Variants in KIAA0319 observed in about 807,000 individuals in gnomAD.
KIAA0319 encodes dyslexia-associated protein KIAA0319.
KIAA0319 carries 83 observed loss-of-function variants against 108.4 expected under a neutral mutation model. The observed-to-expected ratio is 0.77, with a 90% CI of 0.64 to 0.92. KIAA0319 has a LOEUF of 0.92. KIAA0319 is among the 40% of genes least tolerant of loss of function. KIAA0319 has a pLI of 0.00. For synonymous variants in KIAA0319, 484 were observed against 510.4 expected (o/e 0.95, Z 0.70); for missense variants, 1,195 against 1,322.4 (o/e 0.90, Z 1.49).
At chr6:24,565,026 T>C (rs564607602) in intron 14 of KIAA0319, among the ~76,000 whole-genome samples, 1 of 152,078 alleles carries the variant, frequency 6.6e-6, no homozygotes, top group African/African-American at 2.4e-5. Flanking sequence ...GGCAGGCGGA[T>C]CACGAGGTCA....
downstream of KIAA0319, among the ~76,000 whole-genome samples, chr6:24,543,607 G>C (rs1760291154): frequency 6.6e-6 from 1 of 152,072 alleles, no homozygotes; most frequent in South Asian, 2.1e-4. Context: ...TTTTGTGTGT[G>C]TGTTTTTTGA....
intron 15 of KIAA0319, 42 bp from the exon 16 acceptor site, chr6:24,563,560 C>T: frequency 6.4e-7 from 1 of 1,568,086 alleles, no homozygotes; most frequent in Non-Finnish European, 8.6e-7. Flanking sequence ...TGGACATTTG[C>T]ACAGGCTTTA....
chr6:24,595,728 C>A lies in KIAA0319; in HGVS notation c.801+145G>T, dbSNP rs1207801697. The stretch of plus-strand genomic sequence containing the variant: ...CTCTGAGAGACAGTCATCTTTCTTG[C>A]CACCACCTGAGACAGGTGCCCTTAG... On this transcript the variant is annotated intron_variant, in intron 3 of 20. Transcript: ENST00000378214. 5.0e-6 allele frequency: 4 copies of A among 796,964 alleles called. No homozygotes were observed. In the East Asian group the frequency reaches 1.0e-4, roughly 20 times the overall value. 49.4% of individuals were successfully genotyped at this position (796,964 alleles called of 1,614,324 possible). A position where few individuals can be genotyped will look rare whatever the true frequency, so the allele number is the denominator to read the frequency against.
At chr6:24,555,945 C>A (rs1762225978) in intron 18 of KIAA0319, among the ~76,000 whole-genome samples, 1 of 152,104 alleles carries the variant, frequency 6.6e-6, no homozygotes, top group Admixed American at 6.5e-5. Flanking sequence ...CAATAGTGAG[C>A]CAATTCTGCT....
At chr6:24,644,389 G>T (rs1364121163) in intron 1 of KIAA0319, among the ~76,000 whole-genome samples, 2 of 152,212 alleles carry the variant, frequency 1.3e-5, no homozygotes, top group South Asian at 2.1e-4. Context: ...TTTAATATTA[G>T]AAGTGTTGTG....
chr6:24,596,397 T>C lies in KIAA0319; in HGVS notation c.277A>G (p.Met93Val). 1 of 1,614,184 alleles carries C rather than the reference T, an allele frequency of 6.2e-7. No homozygotes were observed. The highest frequency in any genetic ancestry group is 8.5e-7 in the Non-Finnish European group (1 of 1,180,016). ...GTGAGATAAGACCTGATGGGGCCCA[T>C]CTTCTTGGGCTCACAGTTCTCTTTG... ...PHKENCEPKK[M>V]GPIRSYLTFV... The change falls in exon 3 of 21, where the codon ATG becomes GTG. Residue 93 changes from methionine to valine, a missense_variant. Coordinates refer to ENST00000378214, the MANE Select transcript of KIAA0319 (RefSeq NM_014809.4).
At chr6:24,583,897 G>T (rs1699949750) in intron 4 of KIAA0319, among the ~76,000 whole-genome samples, 195 bp from the exon 5 acceptor site, 2 of 152,146 alleles carry the variant, frequency 1.3e-5, no homozygotes, top group Admixed American at 1.3e-4. Flanking sequence ...ATAGTACAGG[G>T]TTTTAAACCA....
chr6:24,547,344 C>CTA lies in KIAA0319; in HGVS notation c.3041-3_3041-2dup. The CTA allele has an allele frequency of 6.2e-7, 1 of 1,613,446 alleles. No individual in the cohort carries two copies. Among genetic ancestry groups the CTA allele is most frequent in the Non-Finnish European group, 8.5e-7 (1 of 1,179,522 alleles). On this transcript the variant is annotated splice_acceptor_variant, in intron 20 of 20. Transcript: ENST00000378214. LOFTEE classifies it high-confidence loss of function. ...TGCTCTGTGCTTCGGTGCTTGATAC[C>CTA]TAGAGAGAAGCACAGAAGCATCTGA... is the stretch of plus-strand genomic sequence containing the variant.
At chr6:24,554,863 C>T (rs746699059) in intron 18 of KIAA0319, among the ~76,000 whole-genome samples, 2 of 152,138 alleles carry the variant, frequency 1.3e-5, no homozygotes, top group Non-Finnish European at 2.9e-5. Flanking sequence ...TCACGGAGCA[C>T]ATATTTCATG....
chr6:24,624,449 T>C (rs545232928), intron 1 of KIAA0319, among the ~76,000 whole-genome samples: 8 of 152,262 alleles, frequency 5.3e-5, no homozygotes, highest in Admixed American at 4.6e-4. Context: ...ATAAAAATTT[T>C]TTTGGAGGAG....
chr6:24,623,273 T>A (rs1029328674), intron 1 of KIAA0319, among the ~76,000 whole-genome samples: 5 of 151,890 alleles, frequency 3.3e-5, no homozygotes, highest in Non-Finnish European at 7.4e-5. Flanking sequence ...AAAGAAAATA[T>A]GGGGCAATGT....
At chr6:24,612,582 C>T (rs59600830) in intron 1 of KIAA0319, among the ~76,000 whole-genome samples, 24,365 of 152,136 alleles carry the variant, frequency 0.16, 2,078 homozygotes, top group South Asian at 0.32. Context: ...AGTAAAGAAG[C>T]TCTTCATGTA....
At chr6:24,566,825 A>G (rs1357130286) in intron 13 of KIAA0319, 77 bp from the exon 14 acceptor site, 2 of 1,331,748 alleles carry the variant, frequency 1.5e-6, no homozygotes, top group Non-Finnish European at 2.1e-6. Flanking sequence ...GTCATAAAAC[A>G]TCCACAACTC....
At chr6:24,597,917 C>CAAAAAAATA (rs1769921835) in intron 2 of KIAA0319, 1 of 32,434 alleles carries the variant, frequency 3.1e-5, no homozygotes, top group Non-Finnish European at 6.4e-5. Context: ...GACCCTATCT[C>CAAAAAAATA]AAAAAAAAAA....
Position 24,581,011 on chromosome 6 carries a change from C to G in KIAA0319, c.1194G>C (p.Leu398Phe). ...GHKQTLNLSQ[L>F]SVGLYVFKVT... is the part of the protein sequence containing the mutation. ...CTTTGAAGACATAAAGTCCGACGGA[C>G]AACTGTAACATAAAGAAAAGTTGTA... Residue 398 changes from leucine to phenylalanine, a missense_variant and splice_region_variant, in exon 7 of 21, where the codon TTG (leucine) becomes TTC (phenylalanine). Leu to Phe is a conservative substitution (Grantham distance 22). Transcript: ENST00000378214. 1.2e-6 allele frequency: 2 copies of G among 1,600,816 alleles called. No homozygotes were observed. The highest frequency in any genetic ancestry group is 2.2e-5 in the South Asian group (2 of 90,820).
chr6:24,640,180 C>T (rs1372933235), intron 1 of KIAA0319, among the ~76,000 whole-genome samples: 2 of 151,952 alleles, frequency 1.3e-5, no homozygotes, highest in Non-Finnish European at 2.9e-5. Context: ...AGTAAATATG[C>T]ATGTTAAAAA....
intron 1 of KIAA0319, among the ~76,000 whole-genome samples, chr6:24,615,942 T>A (rs989583312): frequency 6.6e-6 from 1 of 152,222 alleles, no homozygotes; most frequent in Non-Finnish European, 1.5e-5. Context: ...AGGGAGTCCC[T>A]CTTAAGAAAA....
intron 1 of KIAA0319, among the ~76,000 whole-genome samples, chr6:24,636,830 C>T (rs546749587): frequency 6.1e-5 from 9 of 148,476 alleles, no homozygotes; most frequent in African/African-American, 2.2e-4. Context: ...GATTATTGTT[C>T]TGATCATGCC....
chr6:24,580,968 T>C lies in KIAA0319; in HGVS notation c.1237A>G (p.Asn413Asp). ...YVFKVTVSSE[N>D]AFGEGFVNVT... is the part of the protein sequence containing the mutation. ...TTGACAAATCCTTCTCCAAAGGCGTTTTCACTAGAAACAGTGACTTTGAAG... is the reference window on the plus strand; with the variant it reads ...TTGACAAATCCTTCTCCAAAGGCGTCTTCACTAGAAACAGTGACTTTGAAG... The change falls in exon 7 of 21, where the codon AAC becomes GAC. Residue 413 changes from asparagine to aspartate, a missense_variant. Physicochemically the swap from Asn to Asp is conservative, Grantham distance 23. Transcript: ENST00000378214. 6.2e-7 allele frequency: 1 copy of C among 1,613,396 alleles called. No individual in the cohort carries two copies. Among genetic ancestry groups the C allele is most frequent in the Non-Finnish European group, 8.5e-7 (1 of 1,179,498 alleles).
Sources: gnomAD v4.1 joint callset for allele counts (sites outside exome capture counted in the v4.1 genomes callset) on GRCh38, gnomAD v4.1.1 for gene constraint, MANE v1.5 for transcripts, NCBI Gene and HGNC (gene_info 2026-07-23, HGNC 2026-07-21) for gene names.